RNFT1: variants seen among roughly 807,000 people sequenced by gnomAD.
RNFT1 encodes ring finger protein, transmembrane 1.
In RNFT1, 35 loss-of-function variants were observed where a neutral mutation model predicts 53.2. The ratio of observed to expected loss-of-function variants is 0.66; its 90% confidence interval spans 0.50 to 0.87. The LOEUF (loss-of-function observed/expected upper bound fraction) is 0.87, where lower values mean the gene tolerates loss of function less well. Among genes scored for constraint, RNFT1 ranks in the 40% least tolerant of loss-of-function variants. The probability of loss-of-function intolerance (pLI) is 0.00; values close to 1 mark genes in which losing one functional copy is unlikely to be tolerated. For missense variants in RNFT1, 421 were observed against 515.0 expected, an observed-to-expected ratio of 0.82 and a Z score of 1.77; for synonymous variants, 141 against 172.8, an observed-to-expected ratio of 0.82 and a Z score of 1.44.
intron 4 of RNFT1, chr17:59,958,723 C>A: frequency 2.0e-6 from 1 of 488,374 alleles, no homozygotes; most frequent in Non-Finnish European, 4.0e-6. Context: ...AAAAACTCAT[C>A]AATACCAGAC....
At chr17:59,958,987 GCTCT>G (rs765452982) in intron 4 of RNFT1, among the ~76,000 whole-genome samples, 3 of 150,578 alleles carry the variant, frequency 2.0e-5, no homozygotes, top group Non-Finnish European at 4.4e-5. Context: ...CCAGTACTGG[GCTCT>G]CTATCTACAC....
At chr17:59,956,027 C>A (rs537726969) in intron 7 of RNFT1, among the ~76,000 whole-genome samples, 5 of 152,266 alleles carry the variant, frequency 3.3e-5, no homozygotes, top group Middle Eastern at 6.8e-3. Flanking sequence ...ATGGGGAAAT[C>A]TGCTCCAGTA....
chr17:59,952,827 A>G lies in RNFT1; in HGVS notation c.*150T>C. ...TTAAAACACAGGGTGGTTTCATTTAATCTTTTGGTGAATTGGATCATAAGT... is the reference window on the plus strand; with the variant it reads ...TTAAAACACAGGGTGGTTTCATTTAGTCTTTTGGTGAATTGGATCATAAGT... On this transcript the variant is annotated 3_prime_UTR_variant, in exon 9 of 9. Transcript: ENST00000305783. 1 of 637,312 alleles carries G rather than the reference A, an allele frequency of 1.6e-6. No individual in the cohort carries two copies. The highest frequency in any genetic ancestry group is 2.6e-6 in the Non-Finnish European group (1 of 389,362). 39.5% of individuals were successfully genotyped at this position (637,312 alleles called of 1,614,324 possible).
chr17:59,953,187 ATTCT>A (rs2045232216), intron 8 of RNFT1, 76 bp from the exon 9 acceptor site: 3 of 935,100 alleles, frequency 3.2e-6, no homozygotes, highest in Non-Finnish European at 1.5e-6. Flanking sequence ...AATGAAAGGG[ATTCT>A]TTTTTTTTTT....
rs746007285 is a variant in RNFT1 at position 59,963,142 on chromosome 17, A to G, written c.199T>C (p.Leu67=). The change falls in exon 2 of 9, where the codon TTG becomes CTG. Residue 67 remains leucine (L), a synonymous_variant. Coordinates refer to ENST00000305783, the MANE Select transcript of RNFT1 (RefSeq NM_016125.4). ...TGAGGGCAAGAACCCTCTCCTGTCA[A>G]TCTTGTGTGGACACACTGAGGGGTT... is the stretch of plus-strand genomic sequence containing the variant. ...ASTPQCVHTR[L]TGEGSCPHSG... is the part of the protein sequence containing the mutation. The G allele has an allele frequency of 2.5e-5, 41 of 1,614,106 alleles. No homozygotes were observed. Among genetic ancestry groups the G allele is most frequent in the South Asian group, 1.2e-4 (11 of 91,090 alleles).
At chr17:59,961,979 A>G (rs1262031292) in intron 3 of RNFT1, among the ~76,000 whole-genome samples, 2 of 123,408 alleles carry the variant, frequency 1.6e-5, no homozygotes, top group Non-Finnish European at 3.2e-5. Context: ...TCCACCTCCC[A>G]GGTTCAAGTG....
rs750101638 is a variant in RNFT1 at position 59,962,951 on chromosome 17, G to A, written c.390C>T (p.Ala130=). 1.3e-5 allele frequency: 21 copies of A among 1,614,076 alleles called. No homozygotes were observed. The highest frequency in any genetic ancestry group is 6.7e-5 in the Admixed American group (4 of 60,000). Residue 130 remains alanine, a synonymous_variant, in exon 2 of 9, where the codon GCC becomes GCT. Transcript: ENST00000305783. Reference sequence around the variant, plus strand: ...TACTACCATGATCTCCAGATTCTGCGGCAGTATCATCAGTCAGCCTTGCTT... The same window carrying A: ...TACTACCATGATCTCCAGATTCTGCAGCAGTATCATCAGTCAGCCTTGCTT... ...HSEARLTDDT[A]AESGDHGSSS...
At chr17:59,960,907 T>A (rs920624575) in intron 3 of RNFT1, among the ~76,000 whole-genome samples, 1 of 145,986 alleles carries the variant, frequency 6.8e-6, no homozygotes, top group African/African-American at 2.5e-5. Context: ...ATTCTCAGAT[T>A]ATAAGAATTT....
At chr17:59,961,303 G>A (rs1245608037) in intron 3 of RNFT1, among the ~76,000 whole-genome samples, 1 of 152,038 alleles carries the variant, frequency 6.6e-6, no homozygotes, top group Non-Finnish European at 1.5e-5. Flanking sequence ...CTCCCAAAGT[G>A]CTGAGATTAC....
chr17:59,963,438 CT>C (rs375025296), intron 1 of RNFT1, among the ~76,000 whole-genome samples, 154 bp from the exon 2 acceptor site: 30 of 152,148 alleles, frequency 2.0e-4, no homozygotes, highest in African/African-American at 7.0e-4. Flanking sequence ...TCCCTTCTCC[CT>C]TAATGCCAAG....
At chr17:59,960,669 C>T (rs2045284783) in intron 3 of RNFT1, among the ~76,000 whole-genome samples, 2 of 151,730 alleles carry the variant, frequency 1.3e-5, no homozygotes, top group African/African-American at 4.8e-5. Flanking sequence ...AAAAGTTAGC[C>T]AGGCGCCGTG....
intron 5 of RNFT1, among the ~76,000 whole-genome samples, chr17:59,958,035 A>G (rs1242981645): frequency 1.3e-5 from 2 of 152,212 alleles, no homozygotes; most frequent in Admixed American, 1.3e-4. Context: ...GTACACATCT[A>G]AATAGTTTCC....
Position 59,964,656 on chromosome 17 carries a change from A to G in RNFT1, c.8T>C (p.Leu3Pro), listed in dbSNP as rs2045322023. Reference sequence around the variant, plus strand: ...AGGTGTCGGGAGCGACAGCAAGAACAGCGGCATACACCGCCTCCAGCCCTT... The same window carrying G: ...AGGTGTCGGGAGCGACAGCAAGAACGGCGGCATACACCGCCTCCAGCCCTT... MP[L>P]FLLSLPTPPS... is the part of the protein sequence containing the mutation. The change falls in exon 1 of 9, where the codon CTG becomes CCG. Residue 3 changes from leucine to proline, a missense_variant. Leu to Pro is a moderately conservative substitution (Grantham distance 98). Transcript: ENST00000305783. The G allele has an allele frequency of 6.2e-7, 1 of 1,607,744 alleles. No homozygotes were observed. Among genetic ancestry groups the G allele is most frequent in the Non-Finnish European group, 8.5e-7 (1 of 1,177,372 alleles).
At chr17:59,961,292 C>T (rs2045290290) in intron 3 of RNFT1, among the ~76,000 whole-genome samples, 1 of 152,108 alleles carries the variant, frequency 6.6e-6, no homozygotes, top group Non-Finnish European at 1.5e-5. Context: ...CCCATCTCAG[C>T]CTCCCAAAGT....
chr17:59,960,251 T>C (rs2045280124), intron 3 of RNFT1, 83 bp from the exon 4 acceptor site: 2 of 1,399,376 alleles, frequency 1.4e-6, no homozygotes, highest in Middle Eastern at 3.9e-4. Flanking sequence ...TTAATGACTA[T>C]TAACTTAGAA....
intron 3 of RNFT1, 48 bp from the exon 4 acceptor site, chr17:59,960,216 T>G (rs1439757947): frequency 6.4e-7 from 1 of 1,559,854 alleles, no homozygotes; most frequent in African/African-American, 1.4e-5. Flanking sequence ...TGCCAGAATT[T>G]TAAATATCAT....
intron 4 of RNFT1, among the ~76,000 whole-genome samples, chr17:59,958,874 T>C (rs1463210125): frequency 2.0e-5 from 3 of 152,210 alleles, no homozygotes; most frequent in Admixed American, 2.0e-4. Context: ...CCCTGAATAA[T>C]TTTCTTTCTA....
At chr17:59,955,025 T>C (rs1195311871) in intron 7 of RNFT1, among the ~76,000 whole-genome samples, 10 of 152,146 alleles carry the variant, frequency 6.6e-5, no homozygotes, top group Admixed American at 5.9e-4. Flanking sequence ...TGAAACCTGC[T>C]TTCTGTAGAA....
intron 4 of RNFT1, chr17:59,958,703 T>C: frequency 1.9e-6 from 1 of 519,512 alleles, no homozygotes; most frequent in Non-Finnish European, 3.7e-6. Flanking sequence ...CTTTCTAGCC[T>C]GTAAATGAAA....
Sources: gnomAD v4.1 joint callset for allele counts (sites outside exome capture counted in the v4.1 genomes callset) on GRCh38, gnomAD v4.1.1 for gene constraint, MANE v1.5 for transcripts, NCBI Gene and HGNC (gene_info 2026-07-23, HGNC 2026-07-21) for gene names.